DIAPH1: variants seen among roughly 807,000 people sequenced by gnomAD.
The protein encoded by DIAPH1 is protein diaphanous homolog 1.
In DIAPH1, 46 loss-of-function variants were observed where a neutral mutation model predicts 140.7. The ratio of observed to expected loss-of-function variants is 0.33; its 90% CI spans 0.26 to 0.42. DIAPH1 has a LOEUF of 0.42. DIAPH1 is among the 10% of genes least tolerant of loss of function. DIAPH1 has a pLI of 1.00. For missense variants in DIAPH1, 1,310 were observed against 1,558.7 expected (o/e 0.84, Z 2.69); for synonymous variants, 565 against 551.6 (o/e 1.02, Z -0.34).
chr5:141,582,204 G>T (rs1562329066), intron 7 of DIAPH1, 108 bp downstream of exon 7: 4 of 811,772 alleles, frequency 4.9e-6, no homozygotes, highest in Non-Finnish European at 8.8e-6. Context: ...AAAAGAGAAA[G>T]CTAGAAGTCC....
chr5:141,527,709 A>AC lies in DIAPH1; in HGVS notation c.3149-13_3149-12insG. ...GTTTTCAGCAGAAACTAAAAAAAAA[A>AC]AAAAAAAAAAAAACCATAAAAACAG... On this transcript the variant is annotated splice_polypyrimidine_tract_variant and intron_variant, in intron 23 of 27. Transcript: ENST00000389054. 1.3e-6 allele frequency: 2 copies of AC among 1,566,166 alleles called. No homozygotes were observed. Among genetic ancestry groups the AC allele is most frequent in the Non-Finnish European group, 1.7e-6 (2 of 1,158,062 alleles).
In DIAPH1 at chr5:141,571,906, T is replaced by C; in HGVS notation, c.2473+20A>G. 1 of 1,544,720 alleles carries C rather than the reference T, an allele frequency of 6.5e-7. No individual in the cohort carries two copies. Among genetic ancestry groups the C allele is most frequent in the Non-Finnish European group, 9.0e-7 (1 of 1,116,704 alleles). The stretch of plus-strand genomic sequence containing the variant: ...CTAAGCCCTACACTGGACCTTTGCA[T>C]CAAAGAGGAAGGTACTCACTCTTGG... On this transcript the variant is annotated intron_variant, in intron 17 of 27. Coordinates refer to ENST00000389054, the MANE Select transcript of DIAPH1 (RefSeq NM_005219.5).
At chr5:141,599,492 TG>T (rs1190984873) in intron 1 of DIAPH1, among the ~76,000 whole-genome samples, 1 of 152,198 alleles carries the variant, frequency 6.6e-6, no homozygotes, top group African/African-American at 2.4e-5. Context: ...CCAGGATCCC[TG>T]GGAACTACAA....
rs1235266143 is a variant in DIAPH1 at position 141,575,072 on chromosome 5, C to A, written c.1536G>T (p.Lys512Asn). Reference protein sequence around the residue: ...MKKMESDFEQKLQDLQGEKDA... With the variant: ...MKKMESDFEQNLQDLQGEKDA... ...CTTTTTCTCCCTGAAGATCTTGAAG[C>A]TTCTGCTCAAAGTCACTTTCCATCT... Residue 512 changes from lysine to asparagine, a missense_variant, in exon 15 of 28, where the codon AAG (lysine) becomes AAT (asparagine). Lys to Asn is a moderately conservative substitution (Grantham distance 94, BLOSUM62 0). This residue lies in a region of DIAPH1 where 589 missense variants were observed against 549.3 expected (regional missense o/e 1.07). Coordinates refer to ENST00000389054, the MANE Select transcript of DIAPH1 (RefSeq NM_005219.5). The A allele has an allele frequency of 6.2e-7, 1 of 1,614,078 alleles. No homozygotes were observed.
At chr5:141,532,755 C>T (rs76332282) in intron 19 of DIAPH1, among the ~76,000 whole-genome samples, 3,463 of 152,306 alleles carry the variant, frequency 0.023, 53 homozygotes, top group East Asian at 0.046. Context: ...TTCCATCTTC[C>T]AGACCATCCT....
intron 20 of DIAPH1, 126 bp from the exon 21 acceptor site, chr5:141,529,399 G>T: frequency 1.1e-6 from 1 of 928,906 alleles, no homozygotes. Flanking sequence ...CATATGGTGG[G>T]AGAAGAGAGG....
chr5:141,530,357 T>C (rs2099888027), intron 19 of DIAPH1, among the ~76,000 whole-genome samples: 1 of 152,180 alleles, frequency 6.6e-6, no homozygotes. Flanking sequence ...AACCATCAGT[T>C]CATTTGCTCT....
At chr5:141,519,138 G>A in intron 27 of DIAPH1, 2 of 792,150 alleles carry the variant, frequency 2.5e-6, no homozygotes, top group South Asian at 3.1e-5. Context: ...AATGCCCCGT[G>A]ACTGAGACAA....
chr5:141,526,622 G>C (rs550946494), intron 24 of DIAPH1, among the ~76,000 whole-genome samples, 161 bp from the exon 25 acceptor site: 5 of 152,330 alleles, frequency 3.3e-5, no homozygotes, highest in Admixed American at 2.6e-4. Flanking sequence ...CCCCTAAATA[G>C]GGGAATAGTA....
rs549651631 is a variant in DIAPH1, at chr5:141,564,457, T to A, written c.2482+6971A>T. On this transcript the variant is annotated intron_variant, in intron 18 of 27. Transcript: ENST00000389054. ...GAAATAAAATATCAAATTCCCACGG[T>A]TGAGAAGAAAATTAAAACTTAATTC... The A allele has an allele frequency of 4.3e-4, 65 of 152,308 alleles. 2 individuals are homozygous for A. Among genetic ancestry groups the A allele is most frequent in the Admixed American group, 3.9e-3 (59 of 15,302 alleles). 9.4% of individuals were successfully genotyped at this position (152,308 alleles called of 1,614,324 possible). A position where few individuals can be genotyped will look rare whatever the true frequency, so the allele number is the denominator to read the frequency against.
At chr5:141,555,767 A>C (rs1375072072) in intron 18 of DIAPH1, among the ~76,000 whole-genome samples, 1 of 152,240 alleles carries the variant, frequency 6.6e-6, no homozygotes, top group African/African-American at 2.4e-5. Flanking sequence ...TAGAAAAGAG[A>C]GACCCTTACA....
At chr5:141,520,421 A>C (rs2099886339) in intron 27 of DIAPH1, among the ~76,000 whole-genome samples, 1 of 152,096 alleles carries the variant, frequency 6.6e-6, no homozygotes, top group African/African-American at 2.4e-5. Context: ...ATCCCTTATG[A>C]GTGGCTTGGT....
At position 141,526,386 on chromosome 5, in the gene DIAPH1, C is replaced by G. The variant is rs1435242819; in HGVS notation, c.3349G>C (p.Glu1117Gln). The G allele has an allele frequency of 6.2e-7, 1 of 1,614,142 alleles. No individual in the cohort carries two copies. The highest frequency in any genetic ancestry group is 8.5e-7 in the Non-Finnish European group (1 of 1,180,028). The stretch of plus-strand genomic sequence containing the variant: ...TCAAAGAGGAAGTACTCGCCCAGCT[C>G]CTTATAGAGGGTCTCCATGTTAGAA... ...MHSNMETLYK[E>Q]LGEYFLFDPK... The change falls in exon 25 of 28, where the codon GAG becomes CAG. Residue 1117 changes from glutamate (E) to glutamine (Q), a missense_variant. Around this residue, in one of 3 missense-constraint regions of DIAPH1, gnomAD observed 344 missense variants for 512.2 expected, o/e 0.67. Coordinates refer to ENST00000389054, the MANE Select transcript of DIAPH1 (RefSeq NM_005219.5).
At chr5:141,557,401 G>A (rs1457345683) in intron 18 of DIAPH1, among the ~76,000 whole-genome samples, 1 of 151,952 alleles carries the variant, frequency 6.6e-6, no homozygotes, top group Non-Finnish European at 1.5e-5. Flanking sequence ...TGGACATAGG[G>A]GTGTTCATAC....
Position 141,543,584 on chromosome 5 carries a change from C to A in DIAPH1, c.2483-9151G>T, listed in dbSNP as rs141022544. 7.6e-3 allele frequency among the ~76,000 whole-genome samples: 1,152 copies of A among 152,244 alleles called. 19 individuals are homozygous for A. Among genetic ancestry groups the A allele is most frequent in the African/African-American group, 0.026 (1,094 of 41,524 alleles). The stretch of plus-strand genomic sequence containing the variant: ...CAAATTTTGATTCAAAATTCATTAT[C>A]AACATTATAAAACTGGCTTTGCGTT... On this transcript the variant is annotated intron_variant, in intron 18 of 27. Transcript: ENST00000389054.
At chr5:141,583,435 T>C (rs2154596596) in intron 5 of DIAPH1, 50 bp downstream of exon 5, 1 of 1,614,038 alleles carries the variant, frequency 6.2e-7, no homozygotes, top group Non-Finnish European at 8.5e-7. Context: ...TCACCACCAG[T>C]GAAGTCCAAC....
intron 8 of DIAPH1, among the ~76,000 whole-genome samples, chr5:141,579,947 CAAAAAAAAAAAAGG>C (rs1280166241): frequency 2.6e-5 from 2 of 76,212 alleles, no homozygotes; most frequent in Non-Finnish European, 5.3e-5. Context: ...GCCTCCGTCT[CAAAAAAAAAAAAGG>C]AAAAAAAAAA....
chr5:141,536,387 T>A lies in DIAPH1; in HGVS notation c.2483-1954A>T, dbSNP rs183018357. ...CACAAAGATTAATTATCTCAATAAA[T>A]ATTTATTGAGTACCTATATGTGCCA... On this transcript the variant is annotated intron_variant, in intron 18 of 27. Coordinates refer to ENST00000389054, the MANE Select transcript of DIAPH1 (RefSeq NM_005219.5). 1.6e-3 allele frequency among the ~76,000 whole-genome samples: 241 copies of A among 152,254 alleles called. 1 individual carries two copies. Among genetic ancestry groups the A allele is most frequent in the African/African-American group, 5.6e-3 (234 of 41,546 alleles).
intron 7 of DIAPH1, chr5:141,582,106 A>T: frequency 2.7e-6 from 1 of 367,156 alleles, no homozygotes. Flanking sequence ...AACAAAATTG[A>T]GCCTGTCCTC....
Sources: gnomAD v4.1 joint callset for allele counts (sites outside exome capture counted in the v4.1 genomes callset) on GRCh38, gnomAD v4.1.1 for gene constraint, gnomAD v4.1.1 regional missense constraint, MANE v1.5 for transcripts, NCBI Gene and HGNC (gene_info 2026-07-23, HGNC 2026-07-21) for gene names.